Variants in TUT7 observed in about 807,000 individuals in gnomAD.
The protein encoded by TUT7 is terminal uridylyl transferase 7.
A neutral mutation model predicts 165.9 loss-of-function variants in TUT7; 33 were observed. The observed-to-expected ratio is 0.20, with a 90% CI of 0.15 to 0.27. The LOEUF is 0.27. Among genes scored for constraint, TUT7 ranks in the 10% least tolerant of loss-of-function variants. The pLI, the probability that TUT7 is intolerant of heterozygous loss-of-function variation, is 1.00. For synonymous variants in TUT7, 552 were observed against 608.1 expected (o/e 0.91, Z 1.36); for missense variants, 1,338 against 1,762.3 (o/e 0.76, Z 4.31).
intron 26 of TUT7, among the ~76,000 whole-genome samples, chr9:86,291,884 C>A (rs1825928609): frequency 6.6e-6 from 1 of 152,086 alleles, no homozygotes; most frequent in Admixed American, 6.5e-5. Flanking sequence ...CTCAAGGGGA[C>A]TTCCACAAGG....
Position 86,310,725 on chromosome 9 carries a change from A to G in TUT7, c.3359T>C (p.Ile1120Thr), listed in dbSNP as rs753140997. ...FHLRSGLEVDISLYNTLALHN... is the reference protein window; with the variant it reads ...FHLRSGLEVDTSLYNTLALHN... ...TCTTACCAATGTGTTATACAAACTG[A>G]TATCTACTTCCAGACCACTTCTCAA... The change falls in exon 18 of 27, where the codon ATC becomes ACC. Residue 1120 changes from isoleucine to threonine, a missense_variant. Transcript: ENST00000375963. 6.2e-7 allele frequency: 1 copy of G among 1,607,426 alleles called. No homozygotes were observed. The highest frequency in any genetic ancestry group is 8.5e-7 in the Non-Finnish European group (1 of 1,173,950).
At position 86,288,635 on chromosome 9, in the gene TUT7, G is replaced by A. The variant is rs1329124900; in HGVS notation, c.*42C>T. The A allele has an allele frequency of 2.0e-6, 3 of 1,519,602 alleles. No individual in the cohort carries two copies. The Admixed American group carries it at 5.0e-5, about 25-fold the overall frequency. 94.1% of individuals were successfully genotyped at this position (1,519,602 alleles called of 1,614,324 possible). ...TGAACCTAATTTTCCGAGTGAATAG[G>A]AACGCCTGAGTGGCCATTTAGAGTG... On this transcript the variant is annotated 3_prime_UTR_variant, in exon 27 of 27. Transcript: ENST00000375963.
At chr9:86,324,110 G>C (rs1352882179) in intron 12 of TUT7, 150 bp from the exon 13 acceptor site, 4 of 721,172 alleles carry the variant, frequency 5.5e-6, no homozygotes, top group Non-Finnish European at 8.4e-6. Flanking sequence ...AAAAACTGGG[G>C]GTGGGGAGTA....
rs960048571 is a variant in TUT7, at chr9:86,319,744, T to A, written c.3029-74A>T. The A allele has an allele frequency of 1.2e-5, 12 of 1,019,230 alleles. No homozygotes were observed. In the East Asian group the frequency reaches 3.2e-4, roughly 27 times the overall value. The allele number at this position is 1,019,230 out of a possible 1,614,324, so 63.1% of individuals were successfully genotyped here. A position where few individuals can be genotyped will look rare whatever the true frequency, so the allele number is the denominator to read the frequency against. On this transcript the variant is annotated intron_variant, in intron 14 of 26. Coordinates refer to ENST00000375963, the MANE Select transcript of TUT7 (RefSeq NM_024617.4). The stretch of plus-strand genomic sequence containing the variant: ...CTTAGAAAAAGCTGAAAAAAATTTA[T>A]TTTTTAGAAAATAAAACTTACAAGC...
intron 10 of TUT7, among the ~76,000 whole-genome samples, chr9:86,330,430 T>C (rs909976527): frequency 2.0e-5 from 3 of 152,178 alleles, no homozygotes; most frequent in Non-Finnish European, 4.4e-5. Context: ...TCAGTAAAGA[T>C]TTGTTGACAG....
At chr9:86,328,598 A>G (rs1830022409) in intron 10 of TUT7, 106 bp from the exon 11 acceptor site, 1 of 891,490 alleles carries the variant, frequency 1.1e-6, no homozygotes, top group South Asian at 2.3e-5. Context: ...ACGAAAATAC[A>G]AAAGATATAA....
At position 86,302,832 on chromosome 9, in the gene TUT7, C is replaced by A. The variant is rs139633126; in HGVS notation, c.4094+254G>T. Among the ~76,000 whole-genome samples, 292 of 152,282 alleles carry A rather than the reference C, an allele frequency of 1.9e-3. 2 individuals are homozygous for A. The highest frequency in any genetic ancestry group is 6.7e-3 in the African/African-American group (278 of 41,530). On this transcript the variant is annotated intron_variant, in intron 25 of 26. Coordinates refer to ENST00000375963, the MANE Select transcript of TUT7 (RefSeq NM_024617.4). ...CCATGTGGGTCAGGCTGGTCTTGAA[C>A]TCCTGACCTCAGGTGATCCACTCGC... is the stretch of plus-strand genomic sequence containing the variant.
chr9:86,346,928 C>G (rs1025350425), intron 2 of TUT7, among the ~76,000 whole-genome samples: 2 of 152,144 alleles, frequency 1.3e-5, no homozygotes, highest in Admixed American at 1.3e-4. Flanking sequence ...TTGCTTTCAT[C>G]TTCTATAAGT....
intron 4 of TUT7, 75 bp from the exon 5 acceptor site, chr9:86,345,229 C>A (rs928680214): frequency 4.3e-6 from 6 of 1,402,820 alleles, no homozygotes; most frequent in Non-Finnish European, 5.7e-6. Flanking sequence ...GAAGACAACA[C>A]CCTATAGAGT....
chr9:86,314,646 G>A (rs1828538856), intron 17 of TUT7, among the ~76,000 whole-genome samples: 1 of 152,108 alleles, frequency 6.6e-6, no homozygotes, highest in South Asian at 2.1e-4. Flanking sequence ...TAGCACCAGT[G>A]GCACCCTGGC....
At chr9:86,310,068 C>A in intron 18 of TUT7, 51 bp from the exon 19 acceptor site, 1 of 1,336,222 alleles carries the variant, frequency 7.5e-7, no homozygotes, top group African/African-American at 2.7e-5. Flanking sequence ...TGTAAAGGGT[C>A]TCTTTTTTTT....
At chr9:86,321,932 C>T (rs370681178) in intron 14 of TUT7, among the ~76,000 whole-genome samples, 10 of 152,004 alleles carry the variant, frequency 6.6e-5, no homozygotes, top group African/African-American at 2.2e-4. Context: ...AAAATTTAGT[C>T]AGGCATAGTG....
Position 86,311,588 on chromosome 9 carries a change from T to TCCCC in TUT7, c.3275-780_3275-779insGGGG, listed in dbSNP as rs1828057990. On this transcript the variant is annotated intron_variant, in intron 17 of 26. Transcript: ENST00000375963. This position sits in a 1 kb window ranked among gnomAD's most constrained non-coding sequence, Gnocchi z 4.4. ...GTCCTCTCCCTCTCCCTCTCCCCTC[T>TCCCC]TCCCTCTCCCCTCTCCCCACGGTCT... 3.6e-5 allele frequency among the ~76,000 whole-genome samples: 5 copies of TCCCC among 137,696 alleles called. No individual in the cohort carries two copies. The highest frequency in any genetic ancestry group is 4.8e-5 in the Non-Finnish European group (3 of 63,000). 90.3% of individuals were successfully genotyped at this position (137,696 alleles called of 152,430 possible). A position where few individuals can be genotyped will look rare whatever the true frequency, so the allele number is the denominator to read the frequency against.
Position 86,328,306 on chromosome 9 carries a change from T to C in TUT7, c.1608+34A>G, listed in dbSNP as rs201254953. On this transcript the variant is annotated intron_variant, in intron 11 of 26. Transcript: ENST00000375963. ...AATCCACAACTTCACAATTGGCAAGTGAAACTGACAACTAGAAACAAAAGA... is the reference window on the plus strand; with the variant it reads ...AATCCACAACTTCACAATTGGCAAGCGAAACTGACAACTAGAAACAAAAGA... 62 of 1,527,874 alleles carry C rather than the reference T, an allele frequency of 4.1e-5. No homozygotes were observed. The East Asian group carries it at 1.3e-3, about 32-fold the overall frequency. The allele number at this position is 1,527,874 out of a possible 1,614,324, so 94.6% of individuals were successfully genotyped here.
chr9:86,304,675 G>A (rs1183754682), intron 24 of TUT7, among the ~76,000 whole-genome samples, 181 bp downstream of exon 24: 1 of 152,034 alleles, frequency 6.6e-6, no homozygotes, highest in Non-Finnish European at 1.5e-5. Context: ...TCTCTATTCT[G>A]ATGGCCTCTA....
chr9:86,292,988 AAAAAC>A (rs1284603772), intron 26 of TUT7, among the ~76,000 whole-genome samples: 2 of 152,204 alleles, frequency 1.3e-5, no homozygotes, highest in Non-Finnish European at 2.9e-5. Flanking sequence ...TTGCATGTAA[AAAAAC>A]AAAAGTACTA....
At chr9:86,351,505 C>G (rs1028477128) in intron 2 of TUT7, among the ~76,000 whole-genome samples, 3 of 152,154 alleles carry the variant, frequency 2.0e-5, no homozygotes, top group African/African-American at 7.2e-5. Flanking sequence ...GAAAAAAAAT[C>G]AAGTAGCACA....
chr9:86,307,069 G>A (rs567544803), intron 22 of TUT7, among the ~76,000 whole-genome samples: 2 of 152,044 alleles, frequency 1.3e-5, no homozygotes, highest in South Asian at 4.1e-4. Context: ...TGAGGAGTTC[G>A]AAACTAGCCT....
intron 10 of TUT7, among the ~76,000 whole-genome samples, chr9:86,330,350 A>G (rs1325679894): frequency 1.3e-5 from 2 of 152,196 alleles, no homozygotes; most frequent in Non-Finnish European, 2.9e-5. Flanking sequence ...GTGAGCCACC[A>G]TGCCCGGCCC....
Sources: allele counts gnomAD v4.1 joint callset (sites outside exome capture counted in the v4.1 genomes callset), GRCh38; gene constraint gnomAD v4.1.1; non-coding constraint Gnocchi (gnomAD v3.1); transcripts MANE v1.5; gene names NCBI Gene and HGNC (gene_info 2026-07-23, HGNC 2026-07-21).